Variants in SPATA13 observed in about 807,000 individuals in gnomAD.
SPATA13 encodes spermatogenesis associated 13, also known as spermatogenesis-associated protein 13.
In SPATA13, 50 loss-of-function variants were observed where a neutral mutation model predicts 104.0. The observed-to-expected ratio is 0.48, with a 90% CI of 0.38 to 0.61. The LOEUF (loss-of-function observed/expected upper bound fraction) is 0.61, where lower values mean the gene tolerates loss of function less well. Ranked by LOEUF, SPATA13 falls within the 20% of genes least tolerant of loss-of-function variation. The pLI is 0.00. For synonymous variants in SPATA13, 606 were observed against 667.5 expected, an observed-to-expected ratio of 0.91 and a Z score of 1.42; for missense variants, 1,524 against 1,690.6, an observed-to-expected ratio of 0.90 and a Z score of 1.73.
rs549827612 is a variant in SPATA13, at chr13:24,277,221, G to A, written c.2165-6914G>A. ...GCACTTTGGGAGGCCGAGGCGGGCG[G>A]ATCACAAGGTCAGGAGATCGAGACC... is the stretch of plus-strand genomic sequence containing the variant. On this transcript the variant is annotated intron_variant, in intron 4 of 12. Transcript: ENST00000382108. 6.6e-5 allele frequency among the ~76,000 whole-genome samples: 10 copies of A among 152,164 alleles called. No individual in the cohort carries two copies. In the South Asian group the frequency reaches 1.7e-3, roughly 25 times the overall value.
At chr13:23,998,568 A>G (rs1384790342) in intron 2 of SPATA13, among the ~76,000 whole-genome samples, 1 of 152,204 alleles carries the variant, frequency 6.6e-6, no homozygotes, top group Admixed American at 6.5e-5. Flanking sequence ...CAGAAGTTTT[A>G]AATTTTGATG....
At chr13:24,021,870 CCTGA>C (rs1455787451) in intron 3 of SPATA13, among the ~76,000 whole-genome samples, 2 of 151,872 alleles carry the variant, frequency 1.3e-5, no homozygotes, top group East Asian at 1.9e-4. Flanking sequence ...CGCCACCACG[CCTGA>C]CTAATTTTTT....
chr13:24,257,803 A>G (rs1291134053), intron 4 of SPATA13, among the ~76,000 whole-genome samples: 1 of 152,178 alleles, frequency 6.6e-6, no homozygotes, highest in African/African-American at 2.4e-5. Flanking sequence ...TCATTAGGAA[A>G]CAACCAAAAA....
At chr13:24,030,091 T>C (rs200988932) in intron 3 of SPATA13, among the ~76,000 whole-genome samples, 10,882 of 140,216 alleles carry the variant, frequency 0.078, 723 homozygotes, top group East Asian at 0.4. Context: ...CACACACACA[T>C]ACATACATAC....
At chr13:24,099,519 G>A (rs1389731263) in intron 3 of SPATA13, among the ~76,000 whole-genome samples, 1 of 152,222 alleles carries the variant, frequency 6.6e-6, no homozygotes, top group Non-Finnish European at 1.5e-5. Context: ...ACCATGGAAA[G>A]TTCTGTCAGA....
In SPATA13 at chr13:24,251,315, G is replaced by A. The variant is rs947333232; in HGVS notation, c.2020-403G>A. Among the ~76,000 whole-genome samples the A allele has an allele frequency of 2.0e-5, 3 of 152,218 alleles. No homozygotes were observed. The East Asian group carries it at 5.8e-4, about 29-fold the overall frequency. On this transcript the variant is annotated intron_variant, in intron 3 of 12. Coordinates refer to ENST00000382108, the MANE Select transcript of SPATA13 (RefSeq NM_001166271.3). ...AGGATCACAGATGGCCACCCTGGCC[G>A]GGTTTGTGGCCTTGTCCTGGCTTCC...
At chr13:24,112,790 C>G (rs768899804) in intron 3 of SPATA13, among the ~76,000 whole-genome samples, 13 of 152,160 alleles carry the variant, frequency 8.5e-5, no homozygotes, top group Non-Finnish European at 1.6e-4. Context: ...CCTTCCATGT[C>G]TCGTAGTAGT....
chr13:24,197,705 T>C (rs1870144360), intron 1 of SPATA13, among the ~76,000 whole-genome samples: 1 of 152,186 alleles, frequency 6.6e-6, no homozygotes, highest in Admixed American at 6.5e-5. Flanking sequence ...CTGGCTTTGG[T>C]GTGATATTGA....
intron 3 of SPATA13, among the ~76,000 whole-genome samples, chr13:24,096,692 T>A: frequency 6.6e-6 from 1 of 150,594 alleles, no homozygotes; most frequent in East Asian, 1.9e-4. Context: ...AAATTAGACA[T>A]GAGGGGGAGT....
chr13:24,265,626 T>C (rs1189515950), intron 4 of SPATA13, among the ~76,000 whole-genome samples: 1 of 152,168 alleles, frequency 6.6e-6, no homozygotes, highest in Non-Finnish European at 1.5e-5. Flanking sequence ...GTTGGGATTA[T>C]GGGTCATTCC....
chr13:24,022,431 A>G (rs1208695135), intron 3 of SPATA13, among the ~76,000 whole-genome samples: 4 of 152,274 alleles, frequency 2.6e-5, no homozygotes, highest in African/African-American at 4.8e-5. Flanking sequence ...TTTTTAAGAT[A>G]GAAATGAGTA....
intron 2 of SPATA13, among the ~76,000 whole-genome samples, chr13:24,230,408 G>C (rs1019693712): frequency 4.6e-5 from 7 of 152,160 alleles, no homozygotes. Flanking sequence ...AAGAACTCTG[G>C]CTGGAAAGTG....
At chr13:24,035,197 C>T (rs1182003357) in intron 3 of SPATA13, among the ~76,000 whole-genome samples, 2 of 152,180 alleles carry the variant, frequency 1.3e-5, no homozygotes, top group Non-Finnish European at 2.9e-5. Context: ...TCTTGTCGCC[C>T]AGGCTGGAAT....
intron 2 of SPATA13, among the ~76,000 whole-genome samples, chr13:24,005,231 C>T (rs980594429): frequency 6.6e-6 from 1 of 152,154 alleles, no homozygotes; most frequent in African/African-American, 2.4e-5. Context: ...GGCTATTGTG[C>T]TCACATTTGA....
rs1376875598 is a variant in SPATA13, at chr13:24,029,860, G to A, written c.-112+12159G>A. Among the ~76,000 whole-genome samples, 7 of 151,994 alleles carry A rather than the reference G, an allele frequency of 4.6e-5. No homozygotes were observed. The East Asian group carries it at 1.2e-3, about 25-fold the overall frequency. On this transcript the variant is annotated intron_variant, in intron 3 of 14. Coordinates refer to the SPATA13 transcript ENST00000424834. ...CTCATCATTTAGCTCTCACTTATAA[G>A]TGAGAACATGCGGTATTTGGTTATC...
intron 1 of SPATA13, among the ~76,000 whole-genome samples, chr13:24,162,954 G>A (rs911238085): frequency 6.6e-6 from 1 of 152,236 alleles, no homozygotes; most frequent in Non-Finnish European, 1.5e-5. Flanking sequence ...TGGAGGACAT[G>A]AATTCTATAC....
intron 3 of SPATA13, chr13:24,122,330 A>ACTATTCAAACTATC (rs1881056804): frequency 3.4e-6 from 5 of 1,450,578 alleles, no homozygotes; most frequent in Non-Finnish European, 3.9e-6. Context: ...ATAGTTTGAA[A>ACTATTCAAACTATC]GATAGCTTTA....
At chr13:24,083,571 A>C (rs889528097) in intron 3 of SPATA13, among the ~76,000 whole-genome samples, 1 of 152,192 alleles carries the variant, frequency 6.6e-6, no homozygotes, top group African/African-American at 2.4e-5. Context: ...TAAGTTTCCA[A>C]GCCTGTTCTC....
chr13:24,037,242 T>C (rs1456078432), intron 3 of SPATA13, among the ~76,000 whole-genome samples: 3 of 146,800 alleles, frequency 2.0e-5, no homozygotes, highest in African/African-American at 5.0e-5. Flanking sequence ...TTAGGAGATA[T>C]ACCTAATGTA....
Sources: gnomAD v4.1 joint callset for allele counts (sites outside exome capture counted in the v4.1 genomes callset) on GRCh38, gnomAD v4.1.1 for gene constraint, MANE v1.5 for transcripts, NCBI Gene and HGNC (gene_info 2026-07-23, HGNC 2026-07-21) for gene names.